PIP4K2A: variants seen among roughly 807,000 people sequenced by gnomAD.
The protein encoded by PIP4K2A is phosphatidylinositol-5-phosphate 4-kinase type 2 alpha.
In PIP4K2A, 14 loss-of-function variants were observed where a neutral mutation model predicts 42.9. The observed-to-expected ratio is 0.33, with a 90% CI of 0.22 to 0.51. The LOEUF is 0.51. PIP4K2A is among the 20% of genes least tolerant of loss of function. The pLI, the probability that PIP4K2A is intolerant of heterozygous loss-of-function variation, is 0.97. For missense variants in PIP4K2A, 434 were observed against 519.8 expected (o/e 0.83, Z 1.61); for synonymous variants, 192 against 192.2 (o/e 1.00, Z 0.01).
intron 1 of PIP4K2A, among the ~76,000 whole-genome samples, chr10:22,640,097 T>A (rs184042655): frequency 6.6e-6 from 1 of 151,544 alleles, no homozygotes; most frequent in African/African-American, 2.4e-5. Flanking sequence ...TAACAGTGCT[T>A]TGATTGGAAT....
Position 22,699,059 on chromosome 10 carries a change from G to C in PIP4K2A, c.144+15124C>G, listed in dbSNP as rs112210047. ...CAGAACTGCAAGAGAAAGTGAATTA[G>C]ACAAAAAGATTAGCTTCTCCTAACC... On this transcript the variant is annotated intron_variant, in intron 1 of 9. Transcript: ENST00000376573. 9.2e-4 allele frequency among the ~76,000 whole-genome samples: 140 copies of C among 152,248 alleles called. 2 individuals are homozygous for C. The highest frequency in any genetic ancestry group is 3.2e-3 in the African/African-American group (134 of 41,536).
At chr10:22,698,542 A>G (rs1178132689) in intron 1 of PIP4K2A, among the ~76,000 whole-genome samples, 1 of 152,240 alleles carries the variant, frequency 6.6e-6, no homozygotes, top group Non-Finnish European at 1.5e-5. Context: ...GTGGCAAAAT[A>G]CTGGGACCAA....
At chr10:22,568,878 G>A in intron 5 of PIP4K2A, 1 of 629,372 alleles carries the variant, frequency 1.6e-6, no homozygotes, top group Non-Finnish European at 2.8e-6. Flanking sequence ...CAATTTCCTG[G>A]GCTCCCTTCC....
intron 4 of PIP4K2A, among the ~76,000 whole-genome samples, chr10:22,586,109 T>C (rs554207759): frequency 6.6e-6 from 1 of 152,362 alleles, no homozygotes; most frequent in South Asian, 2.1e-4. Flanking sequence ...CCGAGTTTCT[T>C]ACAGCCTAAC....
At chr10:22,569,706 A>G (rs117154802) in intron 5 of PIP4K2A, among the ~76,000 whole-genome samples, 28 of 152,158 alleles carry the variant, frequency 1.8e-4, no homozygotes, top group Non-Finnish European at 3.2e-4. Context: ...CTCTCCTACA[A>G]TATAATCCAC....
rs527981479 is a variant in PIP4K2A, at chr10:22,629,509, T to TA, written c.145-19793dup. On this transcript the variant is annotated intron_variant, in intron 1 of 9. Coordinates refer to ENST00000376573, the MANE Select transcript of PIP4K2A (RefSeq NM_005028.5). ...AGAAAACAAAGTTCTGTATTATAAT[T>TA]AAAAAAATCAAGAGTGACTTTAAAG... Among the ~76,000 whole-genome samples the TA allele has an allele frequency of 5.1e-3, 770 of 152,184 alleles. 4 individuals carry two copies. The highest frequency in any genetic ancestry group is 0.017 in the African/African-American group (716 of 41,508).
intron 1 of PIP4K2A, among the ~76,000 whole-genome samples, chr10:22,668,442 A>C (rs1039535429): frequency 2.0e-5 from 3 of 152,108 alleles, no homozygotes; most frequent in Non-Finnish European, 4.4e-5. Context: ...TTTGTTTTTT[A>C]ATGGTATGCT....
At chr10:22,599,480 T>C (rs557040121) in intron 3 of PIP4K2A, among the ~76,000 whole-genome samples, 3 of 152,196 alleles carry the variant, frequency 2.0e-5, no homozygotes, top group Non-Finnish European at 2.9e-5. Flanking sequence ...TCATCCACCA[T>C]GAGGCTGTCT....
chr10:22,626,912 A>AAC (rs1254578133), intron 1 of PIP4K2A, among the ~76,000 whole-genome samples: 1 of 152,160 alleles, frequency 6.6e-6, no homozygotes, highest in Non-Finnish European at 1.5e-5. Flanking sequence ...CATGCCAATT[A>AAC]ATATATATCT....
In PIP4K2A at chr10:22,630,516, TA is replaced by T. The variant is rs201720267; in HGVS notation, c.145-20800del. 4.8e-3 allele frequency among the ~76,000 whole-genome samples: 727 copies of T among 152,356 alleles called. 2 individuals carry two copies. The highest frequency in any genetic ancestry group is 0.024 in the Middle Eastern group (7 of 294). ...ATGACTAGATAGGAATCATCTTTCT[TA>T]TACATGAAATGGGGATTTTTACAAC... On this transcript the variant is annotated intron_variant, in intron 1 of 9. Transcript: ENST00000376573.
At chr10:22,686,864 T>G (rs1368368062) in intron 1 of PIP4K2A, among the ~76,000 whole-genome samples, 2 of 152,156 alleles carry the variant, frequency 1.3e-5, no homozygotes, top group African/African-American at 4.8e-5. Flanking sequence ...CGCAGCTAAA[T>G]TAGACCATTT....
At position 22,702,028 on chromosome 10, in the gene PIP4K2A, A is replaced by C. The variant is rs1445288763; in HGVS notation, c.144+12155T>G. ...TTTATATCACCATGAGGTCCAAAAA[A>C]TTCCAAGCTGTGAATTTAGTTTCAA... On this transcript the variant is annotated intron_variant, in intron 1 of 9. Transcript: ENST00000376573. 3.9e-5 allele frequency among the ~76,000 whole-genome samples: 6 copies of C among 152,378 alleles called. No homozygotes were observed. The South Asian group carries it at 1.2e-3, about 32-fold the overall frequency.
chr10:22,575,190 T>C (rs1250957329), intron 4 of PIP4K2A, among the ~76,000 whole-genome samples: 1 of 152,238 alleles, frequency 6.6e-6, no homozygotes, highest in Non-Finnish European at 1.5e-5. Context: ...ATACTGAAGA[T>C]GATAATGATT....
intron 1 of PIP4K2A, among the ~76,000 whole-genome samples, chr10:22,634,670 T>TTC (rs1838623491): frequency 6.6e-6 from 1 of 152,168 alleles, no homozygotes; most frequent in Non-Finnish European, 1.5e-5. Flanking sequence ...TCTTCTCTCT[T>TTC]TCTCTCTCTC....
chr10:22,565,721 G>A (rs1836831403), intron 6 of PIP4K2A, among the ~76,000 whole-genome samples: 1 of 152,204 alleles, frequency 6.6e-6, no homozygotes, highest in Admixed American at 6.5e-5. Context: ...GGGCGGAACA[G>A]AGCCATATTT....
intron 7 of PIP4K2A, among the ~76,000 whole-genome samples, chr10:22,543,621 G>A (rs1333609468): frequency 6.6e-6 from 1 of 152,196 alleles, no homozygotes; most frequent in East Asian, 1.9e-4. Flanking sequence ...CTCTCTGCCA[G>A]ATTCCTTTCC....
intron 5 of PIP4K2A, among the ~76,000 whole-genome samples, 195 bp downstream of exon 5, chr10:22,573,116 T>C (rs533117070): frequency 6.6e-6 from 1 of 152,314 alleles, no homozygotes; most frequent in South Asian, 2.1e-4. Flanking sequence ...AGATGTGATA[T>C]CTCTAACATG....
intron 3 of PIP4K2A, among the ~76,000 whole-genome samples, chr10:22,603,947 T>A (rs1379089121): frequency 2.0e-5 from 3 of 152,060 alleles, no homozygotes; most frequent in African/African-American, 7.2e-5. Context: ...CCTAATGAAT[T>A]GGAAAAAGTT....
At chr10:22,708,433 G>T (rs1833858231) in intron 1 of PIP4K2A, among the ~76,000 whole-genome samples, 1 of 152,084 alleles carries the variant, frequency 6.6e-6, no homozygotes, top group South Asian at 2.1e-4. Context: ...AGCCCTAGTG[G>T]CTCCCGAGCT....
Sources: gnomAD v4.1 joint callset for allele counts (sites outside exome capture counted in the v4.1 genomes callset) on GRCh38, gnomAD v4.1.1 for gene constraint, MANE v1.5 for transcripts, NCBI Gene and HGNC (gene_info 2026-07-23, HGNC 2026-07-21) for gene names.